Variants in CENPP observed in about 807,000 individuals in gnomAD.
CENPP encodes the protein centromere protein P.
CENPP carries 24 observed loss-of-function variants against 35.6 expected under a neutral mutation model. That is an observed-to-expected ratio of 0.67 (90% CI 0.49 to 0.95). The LOEUF (loss-of-function observed/expected upper bound fraction) is 0.95. Among genes scored for constraint, CENPP ranks in the 40% least tolerant of loss-of-function variants. The pLI is 0.00. For missense variants in CENPP, 332 were observed against 345.3 expected (o/e 0.96, Z 0.31); for synonymous variants, 120 against 125.5 (o/e 0.96, Z 0.29).
At position 92,614,937 on chromosome 9, in the gene CENPP, C is replaced by T. The variant is rs1169496985; in HGVS notation, c.*1788C>T. The T allele has an allele frequency of 1.3e-5, 2 of 152,372 alleles. No homozygotes were observed. The highest frequency in any genetic ancestry group is 2.1e-4 in the South Asian group (1 of 4,826). 9.4% of individuals were successfully genotyped at this position (152,372 alleles called of 1,614,324 possible). On this transcript the variant is annotated 3_prime_UTR_variant, in exon 8 of 8. Transcript: ENST00000375587. Reference sequence around the variant, plus strand: ...AACGCAACACGTCTCAAGGCAAACCCGAGGGAGGAACTTGGTCTGGGAGGA... The same window carrying T: ...AACGCAACACGTCTCAAGGCAAACCTGAGGGAGGAACTTGGTCTGGGAGGA...
intron 5 of CENPP, among the ~76,000 whole-genome samples, chr9:92,521,381 A>G (rs1026516319): frequency 6.6e-6 from 1 of 152,192 alleles, no homozygotes; most frequent in Non-Finnish European, 1.5e-5. Context: ...TATTATTACA[A>G]TGTTTTTAAG....
At chr9:92,509,150 G>A (rs1416153594) in intron 5 of CENPP, among the ~76,000 whole-genome samples, 5 of 151,754 alleles carry the variant, frequency 3.3e-5, no homozygotes, top group Non-Finnish European at 7.4e-5. Flanking sequence ...CATGGGGCAC[G>A]CTCACTAAAG....
chr9:92,587,337 C>T (rs55868313), intron 5 of CENPP, among the ~76,000 whole-genome samples: 7,324 of 151,978 alleles, frequency 0.048, 256 homozygotes, highest in South Asian at 0.09. Flanking sequence ...GGCATGGTGG[C>T]GTATACCTGT....
rs200993869 is a variant in CENPP at position 92,381,285 on chromosome 9, C to CT, written c.564+1442dup. ...TCATAGCATGTGTCAGATTTCTTTT[C>CT]TTTTTTTTTTTTTTTTGAGACAGGG... On this transcript the variant is annotated intron_variant, in intron 5 of 7. Coordinates refer to ENST00000375587, the MANE Select transcript of CENPP (RefSeq NM_001012267.3). Among the ~76,000 whole-genome samples the CT allele has an allele frequency of 4.2e-4, 58 of 136,492 alleles. 1 individual carries two copies. The highest frequency in any genetic ancestry group is 1.7e-3 in the Admixed American group (24 of 13,920). 89.5% of individuals were successfully genotyped at this position (136,492 alleles called of 152,430 possible).
At chr9:92,459,700 C>A (rs1446706653) in intron 5 of CENPP, 7 of 1,612,988 alleles carry the variant, frequency 4.3e-6, no homozygotes, top group Non-Finnish European at 5.9e-6. Context: ...AAATGTATTT[C>A]TCTCACACGT....
At position 92,567,373 on chromosome 9, in the gene CENPP, G is replaced by GATATATATATATATATAT; in HGVS notation, c.565-43935_565-43918dup. Among the ~76,000 whole-genome samples, 159 of 129,016 alleles carry GATATATATATATATATAT rather than the reference G, an allele frequency of 1.2e-3. 4 individuals are homozygous for GATATATATATATATATAT. The highest frequency in any genetic ancestry group is 8.6e-3 in the South Asian group (31 of 3,604). 84.6% of individuals were successfully genotyped at this position (129,016 alleles called of 152,430 possible). A position where few individuals can be genotyped will look rare whatever the true frequency, so the allele number is the denominator to read the frequency against. ...ATGGGGTATACAGTTACATAAGATA[G>GATATATATATATATATAT]ATATATATATATATATATATATAGA... On this transcript the variant is annotated intron_variant, in intron 5 of 7. Coordinates refer to ENST00000375587, the MANE Select transcript of CENPP (RefSeq NM_001012267.3).
At chr9:92,580,480 TCC>T (rs1564010368) in intron 5 of CENPP, among the ~76,000 whole-genome samples, 4 of 152,134 alleles carry the variant, frequency 2.6e-5, no homozygotes, top group Admixed American at 1.3e-4. Context: ...CAATTTCAGC[TCC>T]TGTTATTGGT....
At chr9:92,370,194 T>G (rs756936864) in intron 4 of CENPP, among the ~76,000 whole-genome samples, 1 of 152,208 alleles carries the variant, frequency 6.6e-6, no homozygotes, top group Non-Finnish European at 1.5e-5. Flanking sequence ...ATCTTTCTCA[T>G]GTGCTTAAAA....
intron 5 of CENPP, among the ~76,000 whole-genome samples, chr9:92,427,682 G>T (rs920930470): frequency 1.1e-4 from 17 of 151,554 alleles, no homozygotes; most frequent in African/African-American, 4.1e-4. Flanking sequence ...GGTTTTCCAT[G>T]TTGGTCAGGC....
intron 5 of CENPP, among the ~76,000 whole-genome samples, chr9:92,380,763 A>G (rs1842223092): frequency 6.6e-6 from 1 of 152,208 alleles, no homozygotes. Context: ...GTGTTATAAT[A>G]CAGTAATGAC....
At chr9:92,484,977 A>C (rs1009862471) in intron 5 of CENPP, among the ~76,000 whole-genome samples, 3 of 152,200 alleles carry the variant, frequency 2.0e-5, no homozygotes, top group Non-Finnish European at 4.4e-5. Flanking sequence ...TGCTGGGGTT[A>C]GGGGTAGTAT....
Position 92,619,208 on chromosome 9 carries a change from T to G in CENPP, c.*6059T>G. 2.6e-6 allele frequency: 1 copy of G among 389,210 alleles called. No homozygotes were observed. 24.1% of individuals were successfully genotyped at this position (389,210 alleles called of 1,614,324 possible). A position where few individuals can be genotyped will look rare whatever the true frequency, so the allele number is the denominator to read the frequency against. On this transcript the variant is annotated 3_prime_UTR_variant, in exon 8 of 8. Coordinates refer to ENST00000375587, the MANE Select transcript of CENPP (RefSeq NM_001012267.3). ...ATGGGCAGCTCACTGTCCACATTGT[T>G]TCTGAGCTCTTGGGAGTATTTTCTT...
At chr9:92,577,964 A>C (rs796257793) in intron 5 of CENPP, among the ~76,000 whole-genome samples, 1 of 96,510 alleles carries the variant, frequency 1.0e-5, no homozygotes, top group African/African-American at 4.2e-5. Context: ...CCCACCCCAC[A>C]ACAGTCCCCA....
At chr9:92,412,085 TAA>T (rs1230679267) in intron 5 of CENPP, among the ~76,000 whole-genome samples, 11 of 152,078 alleles carry the variant, frequency 7.2e-5, no homozygotes, top group East Asian at 3.9e-4. Context: ...ATTAATTAAT[TAA>T]TTAATTTATT....
intron 1 of CENPP, 118 bp from the exon 2 acceptor site, chr9:92,332,052 G>T: frequency 2.0e-6 from 1 of 490,002 alleles, no homozygotes; most frequent in Non-Finnish European, 3.4e-6. Flanking sequence ...ATGGGGGAAG[G>T]TGACTTAATT....
intron 4 of CENPP, among the ~76,000 whole-genome samples, chr9:92,372,804 GA>G (rs1302516007): frequency 6.6e-6 from 1 of 151,466 alleles, no homozygotes; most frequent in Non-Finnish European, 1.5e-5. Flanking sequence ...TAGTCTGATT[GA>G]GGTTTTTTCT....
In CENPP at chr9:92,615,396, T is replaced by G. The variant is rs1851401401; in HGVS notation, c.*2247T>G. 2 of 179,534 alleles carry G rather than the reference T, an allele frequency of 1.1e-5. No homozygotes were observed. The highest frequency in any genetic ancestry group is 1.1e-4 in the Admixed American group (2 of 17,756). The allele number at this position is 179,534 out of a possible 1,614,324, so 11.1% of individuals were successfully genotyped here. ...ACCATGTAACTCAGCTGGGGGAAGT[T>G]CCAGTAGTATCCATGTTTTCTTAAA... is the stretch of plus-strand genomic sequence containing the variant. On this transcript the variant is annotated 3_prime_UTR_variant, in exon 8 of 8. Transcript: ENST00000375587.
At chr9:92,384,524 A>C (rs1413822930) in intron 5 of CENPP, 2 of 152,342 alleles carry the variant, frequency 1.3e-5, no homozygotes, top group East Asian at 3.9e-4. Context: ...GTTATTTTAG[A>C]AACTTTACTC....
chr9:92,366,053 A>G (rs1280328580), intron 4 of CENPP, among the ~76,000 whole-genome samples: 1 of 151,598 alleles, frequency 6.6e-6, no homozygotes, highest in East Asian at 2.0e-4. Context: ...GGTGGCGGGC[A>G]CCTGTAGTCC....
Sources: allele counts gnomAD v4.1 joint callset (sites outside exome capture counted in the v4.1 genomes callset), GRCh38; gene constraint gnomAD v4.1.1; transcripts MANE v1.5; gene names NCBI Gene and HGNC (gene_info 2026-07-23, HGNC 2026-07-21).